Variants in ABCG1 observed in about 807,000 individuals in gnomAD.
ABCG1 encodes the protein ATP binding cassette subfamily G member 1, also known as ATP-binding cassette sub-family G member 1.
In ABCG1, 29 loss-of-function variants were observed where a neutral mutation model predicts 69.2. The ratio of observed to expected loss-of-function variants is 0.42; its 90% CI spans 0.31 to 0.57. The LOEUF is 0.57. Among genes scored for constraint, ABCG1 ranks in the 20% least tolerant of loss-of-function variants. ABCG1 has a pLI of 0.15. For synonymous variants in ABCG1, 370 were observed against 374.8 expected (o/e 0.99, Z 0.15); for missense variants, 718 against 898.1 (o/e 0.80, Z 2.56).
chr21:42,241,195 G>A (rs932034664), intron 2 of ABCG1, among the ~76,000 whole-genome samples: 6 of 152,228 alleles, frequency 3.9e-5, no homozygotes, highest in African/African-American at 1.4e-4. Flanking sequence ...GACCCTGGCT[G>A]GGCCACCAGC....
intron 5 of ABCG1, among the ~76,000 whole-genome samples, chr21:42,281,867 A>G (rs492338): frequency 0.52 from 78,827 of 152,104 alleles, 20,871 homozygotes; most frequent in Middle Eastern, 0.64. Context: ...GAAATTGTGC[A>G]TCCTCTCATG....
Position 42,276,635 on chromosome 21 carries a change from G to T in ABCG1, c.538-260G>T. 2.2e-6 allele frequency: 1 copy of T among 454,704 alleles called. No homozygotes were observed. Among genetic ancestry groups the T allele is most frequent in the Non-Finnish European group, 3.9e-6 (1 of 253,690 alleles). The allele number at this position is 454,704 out of a possible 1,614,324, so 28.2% of individuals were successfully genotyped here. On this transcript the variant is annotated intron_variant, in intron 4 of 14. Coordinates refer to ENST00000398449, the MANE Select transcript of ABCG1 (RefSeq NM_016818.3). This position sits in a 1 kb window ranked among gnomAD's most constrained non-coding sequence, Gnocchi z 5.3. ...GTGGCACCGTGGCTAGCTGCATGGT[G>T]GCTAGTTGCACCGTGGCTAGTGGCC...
chr21:42,211,728 A>C (rs2067591335), upstream of ABCG1, among the ~76,000 whole-genome samples: 1 of 140,550 alleles, frequency 7.1e-6, no homozygotes, highest in African/African-American at 2.6e-5. Flanking sequence ...AAAAATACAA[A>C]AAAAAAAAAA....
intron 2 of ABCG1, among the ~76,000 whole-genome samples, chr21:42,239,878 A>C (rs2068026814): frequency 6.6e-6 from 1 of 152,234 alleles, no homozygotes; most frequent in Admixed American, 6.5e-5. Flanking sequence ...TGGCCTCTGC[A>C]GAATCAGCTA....
At chr21:42,224,374 C>T (rs1398398599) in intron 1 of ABCG1, among the ~76,000 whole-genome samples, 2 of 152,128 alleles carry the variant, frequency 1.3e-5, no homozygotes, top group Non-Finnish European at 2.9e-5. Flanking sequence ...GCTTCGGGGT[C>T]GCTCCCTTGG....
At chr21:42,225,991 G>A (rs929446438) in intron 2 of ABCG1, 77 bp downstream of exon 2, 10 of 1,534,514 alleles carry the variant, frequency 6.5e-6, no homozygotes, top group African/African-American at 4.1e-5. Context: ...GGGCAAAATC[G>A]GGGTCTGGAG....
intron 2 of ABCG1, among the ~76,000 whole-genome samples, chr21:42,208,479 CTTCCCACAAGCCTGTCCTA>C (rs1225627542): frequency 6.6e-6 from 1 of 152,166 alleles, no homozygotes; most frequent in Non-Finnish European, 1.5e-5. Flanking sequence ...TCTATTCCAT[CTTCCCACAAGCCTGTCCTA>C]TGACCTTGAA....
At chr21:42,244,255 A>C (rs368398574) in intron 2 of ABCG1, among the ~76,000 whole-genome samples, 227 of 152,220 alleles carry the variant, frequency 1.5e-3, no homozygotes, top group African/African-American at 5.1e-3. Flanking sequence ...TGGACATGGG[A>C]GCTCACAGGG....
At chr21:42,280,479 C>T (rs1433992111) in intron 5 of ABCG1, among the ~76,000 whole-genome samples, 1 of 152,218 alleles carries the variant, frequency 6.6e-6, no homozygotes, top group Non-Finnish European at 1.5e-5. Flanking sequence ...CCGGGAAGCC[C>T]CAGGGGGGCT....
chr21:42,223,992 G>T (rs1438230451), intron 1 of ABCG1, among the ~76,000 whole-genome samples: 2 of 152,212 alleles, frequency 1.3e-5, no homozygotes, highest in Non-Finnish European at 2.9e-5. Flanking sequence ...CAATGGGAGA[G>T]AAGTTGCTCG....
intron 8 of ABCG1, among the ~76,000 whole-genome samples, chr21:42,286,326 T>A (rs2146330148): frequency 6.6e-6 from 1 of 152,338 alleles, no homozygotes; most frequent in East Asian, 1.9e-4. Flanking sequence ...GCAAAGATGC[T>A]TTTTCAAATA....
intron 2 of ABCG1, among the ~76,000 whole-genome samples, chr21:42,256,889 C>T (rs569702814): frequency 7.9e-5 from 12 of 152,322 alleles, no homozygotes; most frequent in African/African-American, 1.9e-4. Flanking sequence ...CTGTCACTCC[C>T]GGAAATGAAG....
At chr21:42,294,076 G>T (rs1002319088) in intron 13 of ABCG1, among the ~76,000 whole-genome samples, 9 of 152,018 alleles carry the variant, frequency 5.9e-5, no homozygotes, top group Non-Finnish European at 1.2e-4. Context: ...CGGTTGCTTC[G>T]GTCTCTGGGC....
At position 42,291,789 on chromosome 21, in the gene ABCG1, G is replaced by A. The variant is rs994133405; in HGVS notation, c.1653+133G>A. ...CCCTCCTAGATGGGGTCGTTCCCACGGGAAGGGCCCGCATTGTCGAGGGTC... is the reference window on the plus strand; with the variant it reads ...CCCTCCTAGATGGGGTCGTTCCCACAGGAAGGGCCCGCATTGTCGAGGGTC... On this transcript the variant is annotated intron_variant, in intron 13 of 14. Coordinates refer to ENST00000398449, the MANE Select transcript of ABCG1 (RefSeq NM_016818.3). This position sits in a 1 kb window ranked among gnomAD's most constrained non-coding sequence, Gnocchi z 6.4. The A allele has an allele frequency of 1.4e-5, 16 of 1,105,660 alleles. No individual in the cohort carries two copies. Among genetic ancestry groups the A allele is most frequent in the South Asian group, 1.7e-5 (1 of 57,258 alleles). 68.5% of individuals were successfully genotyped at this position (1,105,660 alleles called of 1,614,324 possible).
At chr21:42,282,457 G>A in intron 6 of ABCG1, 38 bp downstream of exon 6, 4 of 1,590,078 alleles carry the variant, frequency 2.5e-6, no homozygotes, top group Non-Finnish European at 3.4e-6. Flanking sequence ...CCAGGGGCAG[G>A]AAGAACCCCC....
chr21:42,286,386 A>G (rs1370747348), intron 8 of ABCG1, among the ~76,000 whole-genome samples: 1 of 152,226 alleles, frequency 6.6e-6, no homozygotes, highest in Non-Finnish European at 1.5e-5. Flanking sequence ...TTCGCCTTCC[A>G]GCCATCAGTC....
chr21:42,256,125 A>G (rs2068299858), intron 2 of ABCG1: 1 of 1,371,632 alleles, frequency 7.3e-7, no homozygotes, highest in East Asian at 2.7e-5. Context: ...GACCTTCCCA[A>G]GCCTCTCCCT....
At chr21:42,250,763 G>A (rs1232077118) in intron 2 of ABCG1, among the ~76,000 whole-genome samples, 3 of 152,194 alleles carry the variant, frequency 2.0e-5, no homozygotes, top group African/African-American at 2.4e-5. Flanking sequence ...TAACACAAAC[G>A]TGCTTTGTCT....
chr21:42,288,579 T>G lies in ABCG1; in HGVS notation c.1224+267T>G, dbSNP rs1042465869. Among the ~76,000 whole-genome samples, 2 of 152,062 alleles carry G rather than the reference T, an allele frequency of 1.3e-5. No homozygotes were observed. The highest frequency in any genetic ancestry group is 4.8e-5 in the African/African-American group (2 of 41,392). ...AAAATTAGCCAGGCCTGGTAGTGCATGCCTGTAATCCCAGCTACTCAGGAG... is the reference window on the plus strand; with the variant it reads ...AAAATTAGCCAGGCCTGGTAGTGCAGGCCTGTAATCCCAGCTACTCAGGAG... On this transcript the variant is annotated intron_variant, in intron 10 of 14. Coordinates refer to ENST00000398449, the MANE Select transcript of ABCG1 (RefSeq NM_016818.3). This position sits in a 1 kb window ranked among gnomAD's most constrained non-coding sequence, Gnocchi z 4.8.
Sources: gnomAD v4.1 joint callset for allele counts (sites outside exome capture counted in the v4.1 genomes callset) on GRCh38, gnomAD v4.1.1 for gene constraint, Gnocchi (gnomAD v3.1) non-coding constraint, MANE v1.5 for transcripts, NCBI Gene and HGNC (gene_info 2026-07-23, HGNC 2026-07-21) for gene names.